The following PRKCA variants were observed in gnomAD, a reference collection of about 807,000 sequenced individuals.
The protein encoded by PRKCA is protein kinase C alpha type.
Under a neutral mutation model 87.0 loss-of-function variants are expected in PRKCA, and 27 were observed. The ratio of observed to expected loss-of-function variants is 0.31; its 90% confidence interval spans 0.23 to 0.43. The LOEUF (loss-of-function observed/expected upper bound fraction) is 0.43, where lower values mean the gene tolerates loss of function less well. PRKCA is among the 20% of genes least tolerant of loss of function. The probability of loss-of-function intolerance (pLI) is 1.00; values close to 1 mark genes in which losing one functional copy is unlikely to be tolerated. For missense variants in PRKCA, 518 were observed against 852.3 expected, an observed-to-expected ratio of 0.61 and a Z score of 4.88; for synonymous variants, 329 against 311.1, an observed-to-expected ratio of 1.06 and a Z score of -0.61.
At chr17:66,420,786 T>G (rs2143789846) in intron 2 of PRKCA, among the ~76,000 whole-genome samples, 1 of 152,320 alleles carries the variant, frequency 6.6e-6, no homozygotes, top group Non-Finnish European at 1.5e-5. Flanking sequence ...TTTTTATCAT[T>G]TTGAGACCAG....
chr17:66,334,707 AAAACATT>A (rs1160659392), intron 2 of PRKCA, among the ~76,000 whole-genome samples: 1 of 152,240 alleles, frequency 6.6e-6, no homozygotes. Flanking sequence ...AAGGCTTCTC[AAAACATT>A]AAACATAGAA....
Position 66,788,865 on chromosome 17 carries a change from G to A in PRKCA, c.1740G>A (p.Arg580=), listed in dbSNP as rs371757109. 6.2e-7 allele frequency: 1 copy of A among 1,613,790 alleles called. No homozygotes were observed. Among genetic ancestry groups the A allele is most frequent in the African/African-American group, 1.3e-5 (1 of 74,976 alleles). ...KGLMTKHPAK[R]LGCGPEGERD... ...TGATGACCAAACACCCAGCCAAGCG[G>A]CTGGGCTGTGGGCCTGAGGGGGAGA... Residue 580 remains arginine, a synonymous_variant, in exon 16 of 17, where the codon CGG becomes CGA. Coordinates refer to ENST00000413366, the MANE Select transcript of PRKCA (RefSeq NM_002737.3).
intron 2 of PRKCA, among the ~76,000 whole-genome samples, chr17:66,473,496 A>G (rs1833922721): frequency 6.6e-6 from 1 of 152,160 alleles, no homozygotes; most frequent in Non-Finnish European, 1.5e-5. Context: ...CTAGACCCTC[A>G]GTTACCAGAG....
In PRKCA at chr17:66,810,537, T is replaced by C. The variant is rs1976140505; in HGVS notation, c.*6500T>C. ...ACGGAGGTTGAGGTTTTTCCTTCTG[T>C]ATAAGCACCTACTGACAAAATGTAG... On this transcript the variant is annotated 3_prime_UTR_variant, in exon 17 of 17. Coordinates refer to ENST00000413366, the MANE Select transcript of PRKCA (RefSeq NM_002737.3). 6.6e-6 allele frequency: 1 copy of C among 152,216 alleles called. No individual in the cohort carries two copies. The highest frequency in any genetic ancestry group is 1.5e-5 in the Non-Finnish European group (1 of 68,044). The allele number at this position is 152,216 out of a possible 1,614,324, so 9.4% of individuals were successfully genotyped here. A position where few individuals can be genotyped will look rare whatever the true frequency, so the allele number is the denominator to read the frequency against.
chr17:66,514,978 G>A lies in PRKCA; in HGVS notation c.288+18695G>A, dbSNP rs35625993. Among the ~76,000 whole-genome samples the A allele has an allele frequency of 1.2e-3, 190 of 152,134 alleles. 1 individual carries two copies. The highest frequency in any genetic ancestry group is 2.0e-3 in the Non-Finnish European group (135 of 67,984). On this transcript the variant is annotated intron_variant, in intron 3 of 16. Transcript: ENST00000413366. ...TTTGTGATAAAGAAGGGATGTGGCCGGGTGCGGTGGCTCACATGCATAATC... is the reference window on the plus strand; with the variant it reads ...TTTGTGATAAAGAAGGGATGTGGCCAGGTGCGGTGGCTCACATGCATAATC...
chr17:66,777,766 C>T (rs941174833), intron 14 of PRKCA: 26 of 985,226 alleles, frequency 2.6e-5, no homozygotes, highest in Non-Finnish European at 3.0e-5. Context: ...TGGGCGGAAA[C>T]GAAGCCAGGA....
At chr17:66,403,059 A>T (rs1911129499) in intron 2 of PRKCA, among the ~76,000 whole-genome samples, 1 of 152,118 alleles carries the variant, frequency 6.6e-6, no homozygotes, top group Non-Finnish European at 1.5e-5. Flanking sequence ...GTCATTGAGT[A>T]TGTGACATTC....
chr17:66,331,296 T>G (rs143116056), intron 2 of PRKCA, among the ~76,000 whole-genome samples: 1 of 152,338 alleles, frequency 6.6e-6, no homozygotes, highest in African/African-American at 2.4e-5. Flanking sequence ...TGTTTAAGTA[T>G]AAACAGAACC....
intron 2 of PRKCA, among the ~76,000 whole-genome samples, chr17:66,372,426 C>G (rs115529768): frequency 0.014 from 2,086 of 152,182 alleles, 54 homozygotes; most frequent in African/African-American, 0.048. Flanking sequence ...TGATGAATCA[C>G]TAGGTTTTTT....
chr17:66,356,764 A>T (rs570394672), intron 2 of PRKCA, among the ~76,000 whole-genome samples: 26 of 152,296 alleles, frequency 1.7e-4, no homozygotes, highest in Middle Eastern at 6.8e-3. Context: ...ATATTTTTTT[A>T]AAAAATAGGG....
intron 8 of PRKCA, among the ~76,000 whole-genome samples, chr17:66,730,727 AG>A (rs1453769355): frequency 6.6e-6 from 1 of 152,150 alleles, no homozygotes; most frequent in Non-Finnish European, 1.5e-5. Context: ...CTGTTGTATT[AG>A]GGGTTCTTTG....
intron 3 of PRKCA, among the ~76,000 whole-genome samples, chr17:66,629,231 A>ATT (rs1175482313): frequency 6.6e-6 from 1 of 152,168 alleles, no homozygotes; most frequent in Non-Finnish European, 1.5e-5. Context: ...AGATGAACAA[A>ATT]TACCAGCTGC....
chr17:66,430,064 G>T (rs1431302265), intron 2 of PRKCA, among the ~76,000 whole-genome samples: 1 of 152,038 alleles, frequency 6.6e-6, no homozygotes, highest in Non-Finnish European at 1.5e-5. Context: ...TTATCTGTTG[G>T]GTGGTTCTGG....
chr17:66,377,713 A>T (rs1567797824), intron 2 of PRKCA, among the ~76,000 whole-genome samples: 5 of 72,352 alleles, frequency 6.9e-5, no homozygotes, highest in African/African-American at 2.4e-4. Context: ...ATATATATAT[A>T]TATATATATT....
At chr17:66,492,912 CT>C (rs983521692) in intron 2 of PRKCA, among the ~76,000 whole-genome samples, 4 of 152,196 alleles carry the variant, frequency 2.6e-5, no homozygotes, top group African/African-American at 9.6e-5. Context: ...CCTCCTGCCC[CT>C]GACTGTGCAG....
chr17:66,750,006 G>C (rs529580666), intron 13 of PRKCA, among the ~76,000 whole-genome samples: 1 of 152,078 alleles, frequency 6.6e-6, no homozygotes, highest in Non-Finnish European at 1.5e-5. Flanking sequence ...TGGCCTCTGG[G>C]GAAAGGATTG....
intron 5 of PRKCA, among the ~76,000 whole-genome samples, chr17:66,645,861 C>T (rs1315660866): frequency 6.6e-6 from 1 of 152,164 alleles, no homozygotes; most frequent in East Asian, 1.9e-4. Flanking sequence ...GGGAATGGAA[C>T]TAGAACAAGG....
intron 3 of PRKCA, among the ~76,000 whole-genome samples, chr17:66,633,320 C>A (rs765340136): frequency 6.6e-6 from 1 of 151,776 alleles, no homozygotes; most frequent in Non-Finnish European, 1.5e-5. Flanking sequence ...AAAAAAAAAA[C>A]TGCTTCCTAC....
rs562218853 is a variant in PRKCA at position 66,389,367 on chromosome 17, C to T, written c.205+83240C>T. ...GCGTAGTGGATGGGGAGGAACAGCA[C>T]GCGGGGTTCAGGCTGACCGCAGCTA... On this transcript the variant is annotated intron_variant, in intron 2 of 16. Coordinates refer to ENST00000413366, the MANE Select transcript of PRKCA (RefSeq NM_002737.3). Among the ~76,000 whole-genome samples the T allele has an allele frequency of 1.4e-4, 22 of 152,318 alleles. No individual in the cohort carries two copies. The South Asian group carries it at 4.4e-3, about 30-fold the overall frequency.
Sources: allele counts gnomAD v4.1 joint callset (sites outside exome capture counted in the v4.1 genomes callset), GRCh38; gene constraint gnomAD v4.1.1; transcripts MANE v1.5; gene names NCBI Gene and HGNC (gene_info 2026-07-23, HGNC 2026-07-21).